LCORL: variants seen among roughly 807,000 people sequenced by gnomAD.
The protein encoded by LCORL is ligand-dependent nuclear receptor corepressor-like protein.
Under a neutral mutation model 141.8 loss-of-function variants are expected in LCORL, and 41 were observed. The observed-to-expected ratio is 0.29, with a 90% CI of 0.23 to 0.38. LCORL has a LOEUF of 0.38. Ranked by LOEUF, LCORL falls within the 10% of genes least tolerant of loss-of-function variation. LCORL has a pLI of 1.00. For synonymous variants in LCORL, 618 were observed against 694.1 expected (o/e 0.89, Z 1.72); for missense variants, 1,759 against 2,035.0 (o/e 0.86, Z 2.61).
chr4:17,912,751 C>T, intron 4 of LCORL: 1 of 415,010 alleles, frequency 2.4e-6, no homozygotes, highest in Non-Finnish European at 4.7e-6. Context: ...TGGCACAGAC[C>T]CGGGCAAAGA....
chr4:17,899,391 A>G (rs1044051351), intron 5 of LCORL, among the ~76,000 whole-genome samples: 1 of 152,202 alleles, frequency 6.6e-6, no homozygotes, highest in Non-Finnish European at 1.5e-5. Flanking sequence ...ATGTGAAGGC[A>G]GAGTAACCCA....
At chr4:18,007,230 T>C (rs1459959293) in intron 1 of LCORL, among the ~76,000 whole-genome samples, 2 of 152,198 alleles carry the variant, frequency 1.3e-5, no homozygotes, top group Non-Finnish European at 2.9e-5. Context: ...GCCTTATCTA[T>C]AAAGTAGGAT....
chr4:17,900,568 AT>A (rs529995010), intron 5 of LCORL, among the ~76,000 whole-genome samples: 121 of 152,262 alleles, frequency 7.9e-4, no homozygotes, highest in African/African-American at 2.8e-3. Context: ...CTTTTGTAAA[AT>A]TATGGGCATG....
chr4:17,887,638 G>A (rs569519107), intron 5 of LCORL, among the ~76,000 whole-genome samples: 81 of 152,264 alleles, frequency 5.3e-4, no homozygotes, highest in Non-Finnish European at 1.3e-4. Context: ...TATAGGAAGA[G>A]GTTAAACAGG....
intron 6 of LCORL, chr4:17,880,464 G>A: frequency 1.1e-6 from 1 of 928,584 alleles, no homozygotes; most frequent in Non-Finnish European, 1.3e-6. Flanking sequence ...CAAACATACT[G>A]CCTATTTTTA....
At chr4:17,933,347 T>C (rs1447851477) in intron 4 of LCORL, among the ~76,000 whole-genome samples, 3 of 152,148 alleles carry the variant, frequency 2.0e-5, no homozygotes, top group African/African-American at 7.2e-5. Context: ...CAAGCACTGT[T>C]CTAGCAACAA....
rs547473963 is a variant in LCORL, at chr4:17,883,307, C to T, written c.776+2761G>A. 6 of 992,976 alleles carry T rather than the reference C, an allele frequency of 6.0e-6. No individual in the cohort carries two copies. In the African/African-American group the frequency reaches 1.0e-4, roughly 17 times the overall value. 61.5% of individuals were successfully genotyped at this position (992,976 alleles called of 1,614,324 possible). A position where few individuals can be genotyped will look rare whatever the true frequency, so the allele number is the denominator to read the frequency against. ...GTCTGTTGTATAGAATGTTTATAAA[C>T]TATGAATATCATATTTCCATTATAA... On this transcript the variant is annotated intron_variant, in intron 6 of 7. Transcript: ENST00000635767.
intron 4 of LCORL, among the ~76,000 whole-genome samples, chr4:17,944,340 A>C (rs1738483167): frequency 6.6e-6 from 1 of 152,150 alleles, no homozygotes; most frequent in Non-Finnish European, 1.5e-5. Flanking sequence ...TCACTATCCC[A>C]TTCCACATTT....
At chr4:17,915,183 A>G (rs1344291616) in intron 4 of LCORL, among the ~76,000 whole-genome samples, 1 of 151,956 alleles carries the variant, frequency 6.6e-6, no homozygotes, top group East Asian at 1.9e-4. Context: ...CTCCAGAGAA[A>G]GCCATAACTA....
chr4:17,972,244 T>G (rs1343290496), intron 2 of LCORL, among the ~76,000 whole-genome samples: 1 of 151,840 alleles, frequency 6.6e-6, no homozygotes, highest in Admixed American at 6.6e-5. Flanking sequence ...AAAAAATGTT[T>G]TACAACTCTA....
intron 4 of LCORL, among the ~76,000 whole-genome samples, chr4:17,955,638 A>AT (rs1363301384): frequency 1.3e-5 from 2 of 152,100 alleles, no homozygotes; most frequent in Non-Finnish European, 2.9e-5. Context: ...ATAACTTCCT[A>AT]TAAGAGAGGA....
chr4:17,992,508 T>C (rs897966323), intron 1 of LCORL, among the ~76,000 whole-genome samples: 1 of 152,236 alleles, frequency 6.6e-6, no homozygotes, highest in Admixed American at 6.5e-5. Context: ...TGAAAATACG[T>C]CTGATTTCAT....
chr4:17,860,151 G>C (rs561026074), intron 7 of LCORL, among the ~76,000 whole-genome samples: 1 of 152,282 alleles, frequency 6.6e-6, no homozygotes, highest in African/African-American at 2.4e-5. Context: ...GAATAGCCAA[G>C]GCAATCCTAA....
At chr4:17,943,039 C>T (rs928346443) in intron 4 of LCORL, among the ~76,000 whole-genome samples, 5 of 152,158 alleles carry the variant, frequency 3.3e-5, no homozygotes, top group African/African-American at 1.2e-4. Context: ...AAACCATCTC[C>T]CTGCAACACC....
intron 7 of LCORL, among the ~76,000 whole-genome samples, chr4:17,863,775 A>G (rs1223516554): frequency 6.6e-6 from 1 of 152,258 alleles, no homozygotes; most frequent in African/African-American, 2.4e-5. Flanking sequence ...ATAGGTAAAG[A>G]AAATATGGTA....
At chr4:17,999,722 A>T (rs925264042) in intron 1 of LCORL, among the ~76,000 whole-genome samples, 4 of 152,216 alleles carry the variant, frequency 2.6e-5, no homozygotes, top group Non-Finnish European at 5.9e-5. Flanking sequence ...GGTAAGAAGA[A>T]ATTGTTTTAA....
intron 1 of LCORL, among the ~76,000 whole-genome samples, chr4:18,012,106 G>C (rs1285768999): frequency 6.6e-6 from 1 of 152,184 alleles, no homozygotes; most frequent in Admixed American, 6.5e-5. Flanking sequence ...AAGTACTTTG[G>C]AAGAAACTTG....
chr4:17,998,643 C>A (rs930747200), intron 1 of LCORL, among the ~76,000 whole-genome samples: 1 of 151,618 alleles, frequency 6.6e-6, no homozygotes, highest in Admixed American at 6.6e-5. Context: ...TCCTGAAGGA[C>A]TTTTTTTTCT....
intron 1 of LCORL, among the ~76,000 whole-genome samples, chr4:17,976,946 T>C (rs1481309657): frequency 2.0e-5 from 3 of 152,190 alleles, no homozygotes; most frequent in Non-Finnish European, 4.4e-5. Flanking sequence ...ATGGTTTTCT[T>C]TGTTGAGCTC....
Sources: allele counts gnomAD v4.1 joint callset (sites outside exome capture counted in the v4.1 genomes callset), GRCh38; gene constraint gnomAD v4.1.1; transcripts MANE v1.5; gene names NCBI Gene and HGNC (gene_info 2026-07-23, HGNC 2026-07-21).